Variants in CYLC1 observed in about 807,000 individuals in gnomAD.
CYLC1 encodes the protein cylicin 1.
In CYLC1, 2 loss-of-function variants were observed where a neutral mutation model predicts 31.6. That is an observed-to-expected ratio of 0.06 (90% CI 0.03 to 0.20). CYLC1 has a LOEUF of 0.20. Among genes scored for constraint, CYLC1 ranks in the 10% least tolerant of loss-of-function variants. The pLI is 1.00. For missense variants in CYLC1, 595 were observed against 424.1 expected (o/e 1.40, Z -3.54); for synonymous variants, 185 against 153.0 (o/e 1.21, Z -1.54).
intron 4 of CYLC1, among the ~76,000 whole-genome samples, chrX:83,881,478 A>G (rs1272609666): frequency 1.8e-5 from 2 of 109,200 alleles, no homozygotes; most frequent in Admixed American, 1.0e-4. Flanking sequence ...ATGTCTGCCC[A>G]TAACAGTGAT....
rs748541205 is a variant in CYLC1 at position 83,873,803 on chromosome X, G to C, written c.1095G>C (p.Lys365Asn). 8.4e-7 allele frequency: 1 copy of C among 1,186,605 alleles called. No individual in the cohort carries two copies. Among genetic ancestry groups the C allele is most frequent in the African/African-American group, 1.8e-5 (1 of 56,288 alleles). The change falls in exon 4 of 5, where the codon AAG becomes AAC. Residue 365 changes from lysine (K) to asparagine (N), a missense_variant. Transcript: ENST00000329312. ...KKDDKKKDTK[K>N]YPESTDTESG... is the part of the protein sequence containing the mutation. The stretch of plus-strand genomic sequence containing the variant: ...ATGACAAGAAAAAGGACACAAAGAA[G>C]TACCCAGAGTCTACTGATACTGAAT...
At chrX:83,872,615 G>A (rs2031681717) in intron 3 of CYLC1, among the ~76,000 whole-genome samples, 1 of 108,617 alleles carries the variant, frequency 9.2e-6, no homozygotes, top group Non-Finnish European at 1.9e-5. Flanking sequence ...GTCACTGTGG[G>A]CCTGCTCTAA....
rs140794978 is a variant in CYLC1 at position 83,879,765 on chromosome X, T to C, written c.1923+5134T>C. On this transcript the variant is annotated intron_variant, in intron 4 of 4. Transcript: ENST00000329312. ...CATACACACACACACATGCACACAGTGGTAGCATCTGGCAGCAGAAGAGAA... is the reference window on the plus strand; with the variant it reads ...CATACACACACACACATGCACACAGCGGTAGCATCTGGCAGCAGAAGAGAA... Among the ~76,000 whole-genome samples the C allele has an allele frequency of 3.9e-3, 431 of 110,098 alleles. 2 individuals are homozygous for C. Among genetic ancestry groups the C allele is most frequent in the Middle Eastern group, 0.018 (4 of 218 alleles).
intron 4 of CYLC1, 62 bp from the exon 5 acceptor site, chrX:83,886,490 T>A: frequency 9.3e-7 from 1 of 1,077,860 alleles, no homozygotes; most frequent in Non-Finnish European, 1.3e-6. Flanking sequence ...ATCATAGTTG[T>A]CTTGATTAAT....
intron 4 of CYLC1, among the ~76,000 whole-genome samples, chrX:83,875,093 T>A (rs1302731102): frequency 9.0e-6 from 1 of 111,590 alleles, no homozygotes; most frequent in Non-Finnish European, 1.9e-5. Flanking sequence ...AAGATTCAAC[T>A]GTGCAAAAAA....
chrX:83,863,911 A>T (rs1186484107), intron 1 of CYLC1, among the ~76,000 whole-genome samples: 1 of 111,559 alleles, frequency 9.0e-6, no homozygotes. Context: ...TCAAGGTGTC[A>T]GCAGGATTGG....
intron 1 of CYLC1, among the ~76,000 whole-genome samples, chrX:83,862,032 G>A (rs775198865): frequency 9.0e-6 from 1 of 111,659 alleles, no homozygotes; most frequent in Non-Finnish European, 1.9e-5. Flanking sequence ...TTAATTGCCA[G>A]TAAACTTTAA....
chrX:83,875,581 T>A (rs1335315847), intron 4 of CYLC1, among the ~76,000 whole-genome samples: 2 of 111,215 alleles, frequency 1.8e-5, no homozygotes, highest in African/African-American at 6.5e-5. Context: ...AACCATCAGA[T>A]CTTTTGAGAC....
intron 4 of CYLC1, among the ~76,000 whole-genome samples, chrX:83,877,893 TATACAA>T (rs2031797036): frequency 2.4e-5 from 1 of 41,742 alleles, no homozygotes; most frequent in African/African-American, 7.3e-5. Context: ...TATATATATA[TATACAA>T]ATATATATAA....
intron 1 of CYLC1, among the ~76,000 whole-genome samples, chrX:83,862,332 C>G (rs1209485677): frequency 6.6e-5 from 7 of 105,799 alleles, no homozygotes; most frequent in Admixed American, 1.0e-4. Flanking sequence ...GAGATCGAGA[C>G]CATCCTGGCG....
In CYLC1 at chrX:83,872,869, C is replaced by G; in HGVS notation, c.178-17C>G. Reference sequence around the variant, plus strand: ...AACTCATTCACAAATGCTTATTATTCTAACCAATCTTTTCAGAGACATGAC... The same window carrying G: ...AACTCATTCACAAATGCTTATTATTGTAACCAATCTTTTCAGAGACATGAC... On this transcript the variant is annotated splice_polypyrimidine_tract_variant and intron_variant, in intron 3 of 4. Transcript: ENST00000329312. The G allele has an allele frequency of 9.4e-7, 1 of 1,066,925 alleles. No homozygotes were observed. Among genetic ancestry groups the G allele is most frequent in the Non-Finnish European group, 1.2e-6 (1 of 800,908 alleles). 87.9% of individuals were successfully genotyped at this position (1,066,925 alleles called of 1,213,427 possible).
intron 4 of CYLC1, among the ~76,000 whole-genome samples, chrX:83,879,130 T>C (rs1022025215): frequency 9.0e-6 from 1 of 111,065 alleles, no homozygotes; most frequent in Non-Finnish European, 1.9e-5. Context: ...TAGGGTGTTT[T>C]GTTTTCCATT....
At chrX:83,871,719 C>T in intron 3 of CYLC1, 149 bp downstream of exon 3, 3 of 478,245 alleles carry the variant, frequency 6.3e-6, no homozygotes, top group Non-Finnish European at 9.7e-6. Context: ...CTGCCCCTAC[C>T]TGCTTTAGAT....
chrX:83,876,471 T>G (rs1036366811), intron 4 of CYLC1, among the ~76,000 whole-genome samples: 2 of 111,634 alleles, frequency 1.8e-5, no homozygotes, highest in Admixed American at 1.9e-4. Context: ...ATACAAGGAT[T>G]AATTTTAATT....
chrX:83,873,149 A>G lies in CYLC1; in HGVS notation c.441A>G (p.Ile147Met). 5.8e-6 allele frequency: 7 copies of G among 1,201,567 alleles called. No individual in the cohort carries two copies. The highest frequency in any genetic ancestry group is 7.9e-6 in the Non-Finnish European group (7 of 890,331). The change falls in exon 4 of 5, where the codon ATA becomes ATG. Residue 147 changes from isoleucine to methionine, a missense_variant. Physicochemically the swap from Ile to Met is conservative, Grantham distance 10 (BLOSUM62 1). Transcript: ENST00000329312. ...SYATNPESKQ[I>M]VEEKTKRQNE... The stretch of plus-strand genomic sequence containing the variant: ...CAACAAATCCAGAATCCAAGCAAAT[A>G]GTAGAAGAGAAAACTAAAAGACAAA...
chrX:83,874,684 C>A, intron 4 of CYLC1, 53 bp downstream of exon 4: 3 of 1,071,731 alleles, frequency 2.8e-6, no homozygotes, highest in Non-Finnish European at 3.7e-6. Context: ...AAATGAAAGA[C>A]TTTTTAAAGT....
At chrX:83,884,051 A>G (rs764799299) in intron 4 of CYLC1, among the ~76,000 whole-genome samples, 1 of 111,609 alleles carries the variant, frequency 9.0e-6, no homozygotes, top group Non-Finnish European at 1.9e-5. Context: ...ATGCAATATT[A>G]TAGCATGATG....
At chrX:83,877,548 A>C (rs1895377143) in intron 4 of CYLC1, among the ~76,000 whole-genome samples, 1 of 109,880 alleles carries the variant, frequency 9.1e-6, no homozygotes, top group Non-Finnish European at 1.9e-5. Flanking sequence ...TTTCTCATAA[A>C]CACCAAGATT....
In CYLC1 at chrX:83,861,218, A is replaced by AT. The variant is rs760954687; in HGVS notation, c.17+26dup. 3.0e-5 allele frequency: 34 copies of AT among 1,143,698 alleles called. No homozygotes were observed. Among genetic ancestry groups the AT allele is most frequent in the Non-Finnish European group, 3.8e-5 (32 of 842,298 alleles). 94.3% of individuals were successfully genotyped at this position (1,143,698 alleles called of 1,213,427 possible). A position where few individuals can be genotyped will look rare whatever the true frequency, so the allele number is the denominator to read the frequency against. On this transcript the variant is annotated intron_variant, in intron 1 of 4. Coordinates refer to ENST00000329312, the MANE Select transcript of CYLC1 (RefSeq NM_021118.3). ...CAAGGTTGTAAGTCCTCTTTTTAAT[A>AT]TTTTTTTAGTATTTTAAATAGCCAA...
Sources: gnomAD v4.1 joint callset for allele counts (sites outside exome capture counted in the v4.1 genomes callset) on GRCh38, gnomAD v4.1.1 for gene constraint, MANE v1.5 for transcripts, NCBI Gene and HGNC (gene_info 2026-07-23, HGNC 2026-07-21) for gene names.